PTPN13: variants seen among roughly 807,000 people sequenced by gnomAD.
The protein encoded by PTPN13 is protein tyrosine phosphatase non-receptor type 13.
PTPN13 carries 191 observed loss-of-function variants against 284.0 expected under a neutral mutation model. That is an observed-to-expected ratio of 0.67 (90% CI 0.60 to 0.76). The LOEUF is 0.76. Among genes scored for constraint, PTPN13 ranks in the 30% least tolerant of loss-of-function variants. PTPN13 has a pLI of 0.00. For missense variants in PTPN13, 2,797 were observed against 2,939.9 expected (o/e 0.95, Z 1.12); for synonymous variants, 986 against 1,022.3 (o/e 0.96, Z 0.68).
At chr4:86,702,363 A>G (rs1340304878) in intron 7 of PTPN13, among the ~76,000 whole-genome samples, 1 of 152,154 alleles carries the variant, frequency 6.6e-6, no homozygotes, top group Non-Finnish European at 1.5e-5. Flanking sequence ...ATCATAGTAC[A>G]TTTTAGGTTT....
At chr4:86,642,990 T>A (rs920338774) in intron 2 of PTPN13, among the ~76,000 whole-genome samples, 6 of 152,134 alleles carry the variant, frequency 3.9e-5, no homozygotes, top group African/African-American at 1.4e-4. Flanking sequence ...ATTTTTTTTG[T>A]TATGGAACTG....
intron 1 of PTPN13, among the ~76,000 whole-genome samples, chr4:86,616,694 C>T (rs112606075): frequency 0.032 from 4,887 of 152,276 alleles, 145 homozygotes; most frequent in Non-Finnish European, 0.05. Flanking sequence ...CTCCTGCTTT[C>T]ACCATGTGAT....
intron 1 of PTPN13, among the ~76,000 whole-genome samples, chr4:86,604,994 G>A (rs1421302745): frequency 6.6e-6 from 1 of 151,982 alleles, no homozygotes; most frequent in Non-Finnish European, 1.5e-5. Context: ...GGAGTAGAGT[G>A]TGAGCTGAGT....
chr4:86,629,530 C>G (rs1276768758), intron 1 of PTPN13, among the ~76,000 whole-genome samples: 2 of 152,124 alleles, frequency 1.3e-5, no homozygotes, highest in East Asian at 3.9e-4. Flanking sequence ...ACAGTTCTTT[C>G]TTTTCAAATA....
intron 4 of PTPN13, among the ~76,000 whole-genome samples, chr4:86,687,847 T>C (rs1338538988): frequency 1.3e-5 from 2 of 152,066 alleles, no homozygotes. Context: ...TCAATATCAA[T>C]AAATATAAAT....
chr4:86,738,416 A>AGTG (rs1045267106), intron 15 of PTPN13, among the ~76,000 whole-genome samples: 47 of 152,330 alleles, frequency 3.1e-4, no homozygotes, highest in Non-Finnish European at 5.9e-5. Context: ...ATAGGTGAAT[A>AGTG]GTGGTATATT....
chr4:86,598,337 G>T (rs1000144132), intron 1 of PTPN13, among the ~76,000 whole-genome samples: 1 of 151,900 alleles, frequency 6.6e-6, no homozygotes, highest in African/African-American at 2.4e-5. Flanking sequence ...TAGAGACGAG[G>T]TTTTGCCATG....
chr4:86,681,367 A>C (rs1237152163), intron 3 of PTPN13, among the ~76,000 whole-genome samples: 1 of 152,174 alleles, frequency 6.6e-6, no homozygotes, highest in East Asian at 1.9e-4. Flanking sequence ...AACATTTGAC[A>C]ATATCTGGAG....
chr4:86,803,108 A>AGTGTGT (rs1744225593), intron 42 of PTPN13, among the ~76,000 whole-genome samples: 1 of 139,182 alleles, frequency 7.2e-6, no homozygotes, highest in Non-Finnish European at 1.6e-5. Context: ...GTGTGTATAA[A>AGTGTGT]ATAAAATAAA....
Position 86,814,859 on chromosome 4 carries a change from A to G in PTPN13, c.*308A>G, listed in dbSNP as rs1379305316. On this transcript the variant is annotated 3_prime_UTR_variant, in exon 48 of 48. Coordinates refer to ENST00000411767, the MANE Select transcript of PTPN13 (RefSeq NM_080683.3). ...CAAGGACATGGTGAGTCTATTTTTA[A>G]TGCACCAATCTTGTTTATAGCAAAA... 9.1e-6 allele frequency: 2 copies of G among 220,456 alleles called. No homozygotes were observed. Among genetic ancestry groups the G allele is most frequent in the African/African-American group, 4.5e-5 (2 of 44,024 alleles). 13.7% of individuals were successfully genotyped at this position (220,456 alleles called of 1,614,324 possible).
chr4:86,668,874 T>A (rs1214608035), intron 2 of PTPN13, among the ~76,000 whole-genome samples: 2 of 151,074 alleles, frequency 1.3e-5, no homozygotes, highest in African/African-American at 4.9e-5. Flanking sequence ...CCCAAAGTGC[T>A]GGGATTACAG....
chr4:86,614,676 A>G (rs1408585109), intron 1 of PTPN13, among the ~76,000 whole-genome samples: 1 of 152,138 alleles, frequency 6.6e-6, no homozygotes, highest in Non-Finnish European at 1.5e-5. Context: ...CTAAAACAAA[A>G]CAGTCCTGTA....
chr4:86,635,188 T>G, intron 1 of PTPN13, 64 bp from the exon 2 acceptor site: 1 of 1,526,230 alleles, frequency 6.6e-7, no homozygotes, highest in Non-Finnish European at 8.9e-7. Flanking sequence ...GATGTAGAGC[T>G]TTTACTACTG....
intron 1 of PTPN13, among the ~76,000 whole-genome samples, chr4:86,626,596 A>C (rs1344851996): frequency 6.6e-6 from 1 of 152,086 alleles, no homozygotes; most frequent in African/African-American, 2.4e-5. Context: ...AATCTTCTAC[A>C]CCTCTAATAG....
At chr4:86,757,762 C>CAAAAAAAAAAAAAAAAAAAAAAAAAAA (rs542129918) in intron 20 of PTPN13, among the ~76,000 whole-genome samples, 5 of 112,512 alleles carry the variant, frequency 4.4e-5, no homozygotes, top group African/African-American at 1.8e-4. Context: ...GACTCTGTCT[C>CAAAAAAAAAAAAAAAAAAAAAAAAAAA]AAAAAAAAAA....
At chr4:86,642,316 C>T (rs536712559) in intron 2 of PTPN13, among the ~76,000 whole-genome samples, 28 of 151,842 alleles carry the variant, frequency 1.8e-4, no homozygotes, top group South Asian at 8.3e-4. Flanking sequence ...AGTTGCTTTT[C>T]TTCAATTAGG....
At chr4:86,745,762 C>T (rs918601226) in intron 17 of PTPN13, among the ~76,000 whole-genome samples, 45 of 151,236 alleles carry the variant, frequency 3.0e-4, no homozygotes, top group African/African-American at 5.6e-4. Flanking sequence ...GGCGACAGTG[C>T]GAGACTCTGT....
intron 47 of PTPN13, 48 bp from the exon 48 acceptor site, chr4:86,814,408 T>G (rs775816206): frequency 1.6e-6 from 2 of 1,221,018 alleles, no homozygotes; most frequent in Middle Eastern, 2.1e-4. Context: ...ATATATAATA[T>G]TTACATTATA....
intron 1 of PTPN13, among the ~76,000 whole-genome samples, chr4:86,608,230 A>G (rs1565133151): frequency 6.6e-6 from 1 of 152,226 alleles, no homozygotes; most frequent in East Asian, 1.9e-4. Flanking sequence ...GGGAGAACCA[A>G]CCTATTTTAG....
Sources: allele counts gnomAD v4.1 joint callset (sites outside exome capture counted in the v4.1 genomes callset), GRCh38; gene constraint gnomAD v4.1.1; transcripts MANE v1.5; gene names NCBI Gene and HGNC (gene_info 2026-07-23, HGNC 2026-07-21).